Variants in IL23R observed in about 807,000 individuals in gnomAD.
IL23R encodes interleukin-23 receptor.
IL23R carries 34 observed loss-of-function variants against 56.9 expected under a neutral mutation model. The observed-to-expected ratio is 0.60, with a 90% CI of 0.45 to 0.80. The LOEUF is 0.80. Ranked by LOEUF, IL23R falls within the 30% of genes least tolerant of loss-of-function variation. The probability of loss-of-function intolerance (pLI) is 0.00; values close to 1 mark genes in which losing one functional copy is unlikely to be tolerated. For missense variants in IL23R, 635 were observed against 730.0 expected (o/e 0.87, Z 1.50); for synonymous variants, 230 against 249.2 (o/e 0.92, Z 0.73).
chr1:67,228,759 C>T (rs1237892698), intron 7 of IL23R, among the ~76,000 whole-genome samples: 6 of 152,082 alleles, frequency 3.9e-5, no homozygotes. Flanking sequence ...CAGCTCATGG[C>T]TCCATCCTTC....
chr1:67,227,954 CTTTCTT>C (rs1315237352), intron 7 of IL23R, among the ~76,000 whole-genome samples: 4,151 of 59,332 alleles, frequency 0.07, 1,243 homozygotes, highest in Non-Finnish European at 0.095. Context: ...TTCTTTCTTT[CTTTCTT>C]TCTTTCTTTC....
chr1:67,170,738 G>A (rs145992635), intron 3 of IL23R, among the ~76,000 whole-genome samples: 118 of 152,286 alleles, frequency 7.7e-4, no homozygotes, highest in Non-Finnish European at 1.2e-3. Context: ...TGAGAATCAA[G>A]CCTCAGTTCT....
chr1:67,260,837 C>T (rs150674921), downstream of IL23R, among the ~76,000 whole-genome samples: 9 of 152,240 alleles, frequency 5.9e-5, no homozygotes, highest in Admixed American at 2.0e-4. Flanking sequence ...TTAGACACTG[C>T]AGTGCGCTAT....
At chr1:67,215,821 G>T (rs1649797365) in intron 6 of IL23R, among the ~76,000 whole-genome samples, 2 of 152,100 alleles carry the variant, frequency 1.3e-5, no homozygotes, top group Non-Finnish European at 2.9e-5. Context: ...CTCTCCTCTT[G>T]GTTTTCCCAT....
chr1:67,181,610 T>C (rs552553361), intron 3 of IL23R, among the ~76,000 whole-genome samples: 2 of 152,362 alleles, frequency 1.3e-5, no homozygotes, highest in South Asian at 2.1e-4. Flanking sequence ...AGTTTGATCT[T>C]CTGAAGCCTT....
chr1:67,239,911 C>T (rs768962723), intron 8 of IL23R, among the ~76,000 whole-genome samples: 2 of 152,126 alleles, frequency 1.3e-5, no homozygotes, highest in African/African-American at 2.4e-5. Context: ...ATGCACAAGC[C>T]GACCACATTT....
chr1:67,173,392 C>G (rs1007420904), intron 3 of IL23R, among the ~76,000 whole-genome samples: 1 of 152,076 alleles, frequency 6.6e-6, no homozygotes, highest in Non-Finnish European at 1.5e-5. Flanking sequence ...ACAGCCCAAA[C>G]AATCTGATAG....
intron 1 of IL23R, among the ~76,000 whole-genome samples, chr1:67,158,851 T>C (rs1646792756): frequency 1.3e-5 from 2 of 151,210 alleles, no homozygotes; most frequent in African/African-American, 4.9e-5. Context: ...GGTGTTCTCC[T>C]GATAGTGAGA....
At chr1:67,176,381 G>A (rs1647009022) in intron 3 of IL23R, among the ~76,000 whole-genome samples, 1 of 152,106 alleles carries the variant, frequency 6.6e-6, no homozygotes, top group Non-Finnish European at 1.5e-5. Context: ...GCTGAGTACT[G>A]ATTGGCCTGA....
chr1:67,222,102 C>CTTTTTTTTTTTTTTTTTTTT (rs72241835), intron 7 of IL23R, among the ~76,000 whole-genome samples: 31 of 58,888 alleles, frequency 5.3e-4, no homozygotes, highest in East Asian at 1.8e-3. Context: ...TTCTTTCTTT[C>CTTTTTTTTTTTTTTTTTTTT]TTTTTTTTTT....
intron 1 of IL23R, among the ~76,000 whole-genome samples, chr1:67,155,590 G>A (rs562274782): frequency 2.6e-4 from 39 of 152,156 alleles, no homozygotes; most frequent in African/African-American, 4.8e-4. Context: ...TTCAGCTATC[G>A]ATACTTGTGT....
intron 7 of IL23R, among the ~76,000 whole-genome samples, chr1:67,233,200 A>G (rs1651219660): frequency 6.8e-6 from 1 of 147,186 alleles, no homozygotes; most frequent in African/African-American, 2.5e-5. Context: ...AATTCCAAAA[A>G]AAAAAAAAAA....
chr1:67,222,719 T>A (rs1650376892), intron 7 of IL23R, among the ~76,000 whole-genome samples: 1 of 152,208 alleles, frequency 6.6e-6, no homozygotes, highest in African/African-American at 2.4e-5. Flanking sequence ...GGGCATGACT[T>A]ACTAAATAGT....
intron 6 of IL23R, among the ~76,000 whole-genome samples, chr1:67,218,324 A>ATG (rs1491354206): frequency 3.3e-5 from 4 of 120,392 alleles, no homozygotes; most frequent in African/African-American, 1.3e-4. Context: ...ACATATATGC[A>ATG]TATGTGTGTG....
chr1:67,265,210 C>T, the IL23R span, among the ~76,000 whole-genome samples: 138 of 152,266 alleles, frequency 9.1e-4, 1 homozygote, highest in South Asian at 0.017. Context: ...AGAAAGAATG[C>T]AACAGTAAAA....
At chr1:67,201,551 CAA>C (rs1231175917) in intron 5 of IL23R, among the ~76,000 whole-genome samples, 21 of 85,304 alleles carry the variant, frequency 2.5e-4, no homozygotes, top group Admixed American at 2.7e-4. Flanking sequence ...CTAGGGAAGG[CAA>C]AAAAAAAAAA....
intron 6 of IL23R, among the ~76,000 whole-genome samples, chr1:67,207,342 A>G (rs534896063): frequency 6.6e-6 from 1 of 151,984 alleles, no homozygotes; most frequent in Non-Finnish European, 1.5e-5. Flanking sequence ...TTGCTTTTCA[A>G]CCCTTGCCTT....
At chr1:67,223,340 A>C (rs962046840) in intron 7 of IL23R, among the ~76,000 whole-genome samples, 3 of 152,210 alleles carry the variant, frequency 2.0e-5, no homozygotes, top group African/African-American at 7.2e-5. Flanking sequence ...TTTAAATTTA[A>C]GGTCTGTTTC....
intron 8 of IL23R, among the ~76,000 whole-genome samples, chr1:67,237,270 A>C (rs1398481110): frequency 2.0e-5 from 3 of 152,032 alleles, no homozygotes; most frequent in Non-Finnish European, 4.4e-5. Context: ...TGAACTCCTG[A>C]CCTCAGGTGA....
Sources: gnomAD v4.1 joint callset for allele counts (sites outside exome capture counted in the v4.1 genomes callset) on GRCh38, gnomAD v4.1.1 for gene constraint, MANE v1.5 for transcripts, NCBI Gene and HGNC (gene_info 2026-07-23, HGNC 2026-07-21) for gene names.